CFAP96: variants seen among roughly 807,000 people sequenced by gnomAD.
The protein encoded by CFAP96 is cilia and flagella associated protein 96, also known as cilia-and flagella-associated protein 96.
chr4:185,426,254 A>C, the CFAP96 span: 1 of 223,076 alleles, frequency 4.5e-6, no homozygotes, highest in Non-Finnish European at 9.1e-6. Flanking sequence ...TGGAACGTGC[A>C]GAGGCGCTGC....
the CFAP96 span, among the ~76,000 whole-genome samples, chr4:185,419,242 C>T: frequency 6.6e-6 from 1 of 152,174 alleles, no homozygotes; most frequent in Non-Finnish European, 1.5e-5. Context: ...CGCCATTCTC[C>T]TGCCTCAGCC....
chr4:185,408,645 C>G, the CFAP96 span, among the ~76,000 whole-genome samples: 3 of 152,176 alleles, frequency 2.0e-5, no homozygotes, highest in Non-Finnish European at 2.9e-5. Context: ...CCAGCAGGAC[C>G]TACCTTCTGG....
At chr4:185,413,705 T>A in the CFAP96 span, 5 of 1,595,118 alleles carry the variant, frequency 3.1e-6, no homozygotes, top group African/African-American at 1.4e-5. Flanking sequence ...GTGACTCCCA[T>A]AAATAATTAG....
At chr4:185,431,911 T>C in the CFAP96 span, 1 of 1,235,260 alleles carries the variant, frequency 8.1e-7, no homozygotes, top group East Asian at 2.6e-5. Flanking sequence ...TTGGAAATTG[T>C]TATCTTATTT....
the CFAP96 span, among the ~76,000 whole-genome samples, chr4:185,432,683 A>T: frequency 1.3e-5 from 2 of 151,880 alleles, no homozygotes; most frequent in Non-Finnish European, 2.9e-5. Flanking sequence ...GGCAATATAG[A>T]GAGACCCCAT....
the CFAP96 span, among the ~76,000 whole-genome samples, chr4:185,428,589 A>T: frequency 6.6e-6 from 1 of 151,906 alleles, no homozygotes; most frequent in East Asian, 1.9e-4. Flanking sequence ...ACAACAAAAA[A>T]AAAAGAGACT....
the CFAP96 span, among the ~76,000 whole-genome samples, chr4:185,433,088 TATACTC>T: frequency 2.6e-5 from 4 of 152,268 alleles, no homozygotes; most frequent in African/African-American, 7.2e-5. Context: ...ATTATGAAGA[TATACTC>T]ATGAGGTTTA....
At chr4:185,423,950 C>T in the CFAP96 span, among the ~76,000 whole-genome samples, 2 of 152,256 alleles carry the variant, frequency 1.3e-5, no homozygotes, top group African/African-American at 2.4e-5. Context: ...ATAGTACACA[C>T]TAAGACCCCT....
At chr4:185,429,926 G>A in the CFAP96 span, among the ~76,000 whole-genome samples, 2 of 152,118 alleles carry the variant, frequency 1.3e-5, no homozygotes, top group Non-Finnish European at 2.9e-5. Context: ...CCCACTCAGC[G>A]TGCCGTAGTG....
At chr4:185,435,879 CATATCTT>C in the CFAP96 span, among the ~76,000 whole-genome samples, 181 of 40,040 alleles carry the variant, frequency 4.5e-3, 1 homozygote, top group South Asian at 0.012. Context: ...ATATTAAAAA[CATATCTT>C]ATGTCAAAAT....
At chr4:185,430,189 G>A in the CFAP96 span, among the ~76,000 whole-genome samples, 1 of 152,132 alleles carries the variant, frequency 6.6e-6, no homozygotes, top group Non-Finnish European at 1.5e-5. Context: ...AATGCTAAGT[G>A]AATGGCTGAG....
chr4:185,444,181 C>T, the CFAP96 span, among the ~76,000 whole-genome samples: 47 of 151,048 alleles, frequency 3.1e-4, no homozygotes, highest in Non-Finnish European at 5.6e-4. Context: ...TCTCGATCTC[C>T]TGACCTCATG....
the CFAP96 span, among the ~76,000 whole-genome samples, chr4:185,445,902 C>T: frequency 2.0e-5 from 3 of 152,078 alleles, no homozygotes; most frequent in Admixed American, 1.3e-4. Flanking sequence ...GGTACAATGG[C>T]GTGATCTCGG....
At chr4:185,445,253 G>C in the CFAP96 span, 2 of 898,856 alleles carry the variant, frequency 2.2e-6, no homozygotes, top group Admixed American at 5.5e-5. Context: ...GGTGACTTTA[G>C]ACATCTCAGC....
the CFAP96 span, among the ~76,000 whole-genome samples, chr4:185,443,342 A>ATATATATATATATATATTTTT: frequency 3.7e-5 from 1 of 26,724 alleles, no homozygotes; most frequent in African/African-American, 1.2e-4. Context: ...ATATATATAT[A>ATATATATATATATATATTTTT]TTTTTTTTTT....
chr4:185,415,630 T>TG, the CFAP96 span: 1 of 1,248,056 alleles, frequency 8.0e-7, no homozygotes, highest in Non-Finnish European at 1.1e-6. Context: ...ACACCTTAGG[T>TG]ATACCTACAG....
chr4:185,423,141 G>A, the CFAP96 span, among the ~76,000 whole-genome samples: 6 of 152,200 alleles, frequency 3.9e-5, no homozygotes, highest in African/African-American at 1.4e-4. Context: ...TTGCAGGCGT[G>A]AGCCACCGCG....
the CFAP96 span, among the ~76,000 whole-genome samples, chr4:185,410,945 CA>C: frequency 6.8e-4 from 77 of 113,938 alleles, no homozygotes; most frequent in African/African-American, 2.4e-3. Context: ...GACTCCATCT[CA>C]AAAAAAAAAA....
At chr4:185,418,091 T>C in the CFAP96 span, among the ~76,000 whole-genome samples, 1 of 64,686 alleles carries the variant, frequency 1.5e-5, no homozygotes, top group Non-Finnish European at 3.2e-5. Context: ...AAGAGTAGTG[T>C]GAAGAAAAAT....
Sources: gnomAD v4.1 joint callset for allele counts (sites outside exome capture counted in the v4.1 genomes callset) on GRCh38, gnomAD v4.1.1 for gene constraint, MANE v1.5 for transcripts, NCBI Gene and HGNC (gene_info 2026-07-23, HGNC 2026-07-21) for gene names.